The following KCNN3 variants were observed in gnomAD, a reference collection of about 807,000 sequenced individuals.
The protein encoded by KCNN3 is small conductance calcium-activated potassium channel protein 3.
Under a neutral mutation model 62.9 loss-of-function variants are expected in KCNN3, and 16 were observed. That is an observed-to-expected ratio of 0.25 (90% confidence interval 0.17 to 0.39). The LOEUF is 0.39. Ranked by LOEUF, KCNN3 falls within the 10% of genes least tolerant of loss-of-function variation. The pLI is 1.00. For missense variants in KCNN3, 599 were observed against 949.4 expected (o/e 0.63, Z 4.85); for synonymous variants, 370 against 389.2 (o/e 0.95, Z 0.58).
At chr1:154,719,470 G>A (rs1424266010) in intron 5 of KCNN3, among the ~76,000 whole-genome samples, 2 of 152,148 alleles carry the variant, frequency 1.3e-5, no homozygotes, top group Non-Finnish European at 2.9e-5. Flanking sequence ...GTAGGCCACT[G>A]TAACACAAAT....
chr1:154,824,042 C>T (rs1651008552), intron 1 of KCNN3, among the ~76,000 whole-genome samples: 1 of 152,214 alleles, frequency 6.6e-6, no homozygotes, highest in Non-Finnish European at 1.5e-5. Context: ...AATTCATTCA[C>T]TCTTTCACAA....
At chr1:154,745,375 G>T (rs879712827) in intron 3 of KCNN3, among the ~76,000 whole-genome samples, 1 of 152,232 alleles carries the variant, frequency 6.6e-6, no homozygotes, top group Non-Finnish European at 1.5e-5. Context: ...ACGAGAGTTT[G>T]GTTGGTGTGG....
At chr1:154,782,459 G>A (rs541935874) in intron 2 of KCNN3, among the ~76,000 whole-genome samples, 5 of 152,238 alleles carry the variant, frequency 3.3e-5, no homozygotes, top group Non-Finnish European at 5.9e-5. Flanking sequence ...TCCTCACATG[G>A]CAGAGAAAGG....
At chr1:154,864,407 C>G (rs1330438462) in intron 1 of KCNN3, among the ~76,000 whole-genome samples, 2 of 152,258 alleles carry the variant, frequency 1.3e-5, no homozygotes, top group African/African-American at 4.8e-5. Flanking sequence ...CTTCTGCAGA[C>G]AAGGCTTCCG....
chr1:154,716,659 A>C (rs1261459129), intron 5 of KCNN3, among the ~76,000 whole-genome samples: 17 of 152,260 alleles, frequency 1.1e-4, no homozygotes, highest in Admixed American at 1.1e-3. Context: ...TGCTTTTTAA[A>C]AATTCAGTAA....
intron 2 of KCNN3, among the ~76,000 whole-genome samples, chr1:154,774,147 C>T (rs1188785307): frequency 6.6e-6 from 1 of 152,226 alleles, no homozygotes; most frequent in Non-Finnish European, 1.5e-5. Context: ...TCCTGCCTAG[C>T]ACCCAGCACA....
intron 2 of KCNN3, among the ~76,000 whole-genome samples, chr1:154,785,289 G>A (rs1175607277): frequency 2.0e-5 from 3 of 152,196 alleles, no homozygotes; most frequent in Non-Finnish European, 4.4e-5. Context: ...TGGCTTAGGG[G>A]ATATTTTTAG....
intron 3 of KCNN3, among the ~76,000 whole-genome samples, chr1:154,753,588 C>A (rs1647489927): frequency 6.6e-6 from 1 of 152,252 alleles, no homozygotes; most frequent in Non-Finnish European, 1.5e-5. Context: ...AGGGCCCAGG[C>A]CTCCTCCACT....
intron 2 of KCNN3, among the ~76,000 whole-genome samples, chr1:154,798,427 G>A (rs896150479): frequency 3.3e-5 from 5 of 152,168 alleles, no homozygotes; most frequent in East Asian, 1.9e-4. Context: ...CAGGACATTC[G>A]CCAAGCCTTC....
At position 154,817,932 on chromosome 1, in the gene KCNN3, G is replaced by A. The variant is rs12062870; in HGVS notation, c.1029+4157C>T. ...GAGCAAGAGGAGTTCAGTGTTTTGT[G>A]TGTGGAGCCAGGGGCTGCCGGTGGC... On this transcript the variant is annotated intron_variant, in intron 2 of 7. Transcript: ENST00000271915. Among the ~76,000 whole-genome samples the A allele has an allele frequency of 7.6e-3, 1,150 of 152,314 alleles. 10 individuals are homozygous for A. The highest frequency in any genetic ancestry group is 0.026 in the African/African-American group (1,095 of 41,558).
At position 154,772,198 on chromosome 1, in the gene KCNN3, T is replaced by G. The variant is rs1423836003; in HGVS notation, c.1225A>C (p.Ile409Leu). 1 of 1,614,176 alleles carries G rather than the reference T, an allele frequency of 6.2e-7. No individual in the cohort carries two copies. The highest frequency in any genetic ancestry group is 1.6e-4 in the Middle Eastern group (1 of 6,062). ...AEADVDIILS[I>L]PMFLRLYLIA... ...AGGTACAGGCGCAGGAACATGGGGA[T>G]AGACAGGATGATGTCCACATCGGCC... is the stretch of plus-strand genomic sequence containing the variant. The change falls in exon 3 of 8, where the codon ATC (isoleucine) becomes CTC (leucine). Residue 409 changes from isoleucine to leucine, a missense_variant. Physicochemically the swap from Ile to Leu is conservative, Grantham distance 5. Around this residue, in one of 7 missense-constraint regions of KCNN3, gnomAD observed 288 missense variants for 557.4 expected, o/e 0.52. Coordinates refer to ENST00000271915, the MANE Select transcript of KCNN3 (RefSeq NM_002249.6). This position sits in a 1 kb window ranked among gnomAD's most constrained non-coding sequence, Gnocchi z 5.6.
chr1:154,782,987 C>A (rs539616710), intron 2 of KCNN3, among the ~76,000 whole-genome samples: 55 of 152,246 alleles, frequency 3.6e-4, no homozygotes, highest in Admixed American at 1.0e-3. Flanking sequence ...CCGAGGCGGG[C>A]GGATCATGAG....
At chr1:154,828,975 A>G (rs1651267321) in intron 1 of KCNN3, among the ~76,000 whole-genome samples, 1 of 152,254 alleles carries the variant, frequency 6.6e-6, no homozygotes, top group African/African-American at 2.4e-5. Flanking sequence ...TACCATGCCC[A>G]GGCACTGTGC....
In KCNN3 at chr1:154,869,522, C is replaced by A. The variant is rs1277979256; in HGVS notation, c.443G>T (p.Gly148Val). Reference sequence around the variant, plus strand: ...TCGGTGCCGGCTGCCTCCGCCAGGCCCACTTGTAGCTGTGGAACTTGGAGA... The same window carrying A: ...TCGGTGCCGGCTGCCTCCGCCAGGCACACTTGTAGCTGTGGAACTTGGAGA... ...GHSPSSTATS[G>V]PGGGSRHRQA... The change falls in exon 1 of 8, where the codon GGG (glycine) becomes GTG (valine). Residue 148 changes from glycine to valine, a missense_variant. Gly to Val is a moderately radical substitution (Grantham distance 109). Around this residue, in one of 7 missense-constraint regions of KCNN3, gnomAD observed 112 missense variants for 142.9 expected, o/e 0.78. Transcript: ENST00000271915. This position sits in a 1 kb window ranked among gnomAD's most constrained non-coding sequence, Gnocchi z 6.1. 6.2e-7 allele frequency: 1 copy of A among 1,614,082 alleles called. No homozygotes were observed. The highest frequency in any genetic ancestry group is 8.5e-7 in the Non-Finnish European group (1 of 1,180,020).
Position 154,725,987 on chromosome 1 carries a change from G to A in KCNN3, c.1630C>T (p.Arg544Ter), listed in dbSNP as rs1468182036. The change falls in exon 5 of 8, where the codon CGA becomes TGA. Residue 544 changes from arginine to a stop codon, truncating the protein, a stop_gained. Coordinates refer to ENST00000271915, the MANE Select transcript of KCNN3 (RefSeq NM_002249.6). LOFTEE classifies it high-confidence loss of function. ...CTALVVAVVARKLELTKAEKH... is the reference protein window; with the variant it reads ...CTALVVAVVA ...TCCGCTTTGGTGAGTTCCAGCTTTCGGGCCACCACGGCCACCACAAGGGCA... is the reference window on the plus strand; with the variant it reads ...TCCGCTTTGGTGAGTTCCAGCTTTCAGGCCACCACGGCCACCACAAGGGCA... The A allele has an allele frequency of 2.5e-6, 4 of 1,613,948 alleles. No homozygotes were observed. The highest frequency in any genetic ancestry group is 3.4e-6 in the Non-Finnish European group (4 of 1,179,998).
At chr1:154,803,564 TCCCCA>T (rs1650044292) in intron 2 of KCNN3, among the ~76,000 whole-genome samples, 2 of 152,194 alleles carry the variant, frequency 1.3e-5, no homozygotes, top group African/African-American at 4.8e-5. Flanking sequence ...CCCACTGTAG[TCCCCA>T]GGCAGACATG....
rs780088906 is a variant in KCNN3, at chr1:154,699,962, C to T, written c.*8014G>A. 2.0e-5 allele frequency: 3 copies of T among 151,958 alleles called. No homozygotes were observed. Among genetic ancestry groups the T allele is most frequent in the Non-Finnish European group, 4.4e-5 (3 of 68,000 alleles). The allele number at this position is 151,958 out of a possible 1,614,324, so 9.4% of individuals were successfully genotyped here. On this transcript the variant is annotated 3_prime_UTR_variant, in exon 8 of 8. Transcript: ENST00000271915. ...ATATGGAGTGCTATTTAGGTAAGAC[C>T]GGAAAAAGACTATCTCTTATTGACT...
rs371515736 is a variant in KCNN3, at chr1:154,803,958, G to A, written c.1029+18131C>T. ...GGAACATTTTCCAATCCCTGCCTGT[G>A]TGGGCTTTTAAGACCCCGTCTCCCC... On this transcript the variant is annotated intron_variant, in intron 2 of 7. Transcript: ENST00000271915. Among the ~76,000 whole-genome samples, 14 of 152,336 alleles carry A rather than the reference G, an allele frequency of 9.2e-5. No individual in the cohort carries two copies. In the South Asian group the frequency reaches 2.9e-3, roughly 32 times the overall value.
intron 7 of KCNN3, 36 bp downstream of exon 7, chr1:154,713,428 G>A (rs777983184): frequency 3.2e-6 from 5 of 1,546,002 alleles, no homozygotes; most frequent in Non-Finnish European, 3.6e-6. Flanking sequence ...CAGTGTCTGC[G>A]TGTTCTAGGG....
Sources: allele counts gnomAD v4.1 joint callset (sites outside exome capture counted in the v4.1 genomes callset), GRCh38; gene constraint gnomAD v4.1.1; regional missense constraint gnomAD v4.1.1; non-coding constraint Gnocchi (gnomAD v3.1); transcripts MANE v1.5; gene names NCBI Gene and HGNC (gene_info 2026-07-23, HGNC 2026-07-21).